PRKAR2B: variants seen among roughly 807,000 people sequenced by gnomAD.
The protein encoded by PRKAR2B is protein kinase cAMP-dependent type II regulatory subunit beta.
In PRKAR2B, 14 loss-of-function variants were observed where a neutral mutation model predicts 49.9. The ratio of observed to expected loss-of-function variants is 0.28; its 90% CI spans 0.19 to 0.44. The LOEUF (loss-of-function observed/expected upper bound fraction) is 0.44, where lower values mean the gene tolerates loss of function less well. PRKAR2B is among the 20% of genes least tolerant of loss of function. The pLI, the probability that PRKAR2B is intolerant of heterozygous loss-of-function variation, is 1.00. For synonymous variants in PRKAR2B, 196 were observed against 197.7 expected (o/e 0.99, Z 0.07); for missense variants, 393 against 537.9 (o/e 0.73, Z 2.67).
At chr7:107,085,360 GT>G (rs1794599033) in intron 2 of PRKAR2B, among the ~76,000 whole-genome samples, 1 of 152,096 alleles carries the variant, frequency 6.6e-6, no homozygotes, top group African/African-American at 2.4e-5. Context: ...ATGAGGTCAT[GT>G]TTCTCACTGT....
At chr7:107,093,709 T>A (rs1234040062) in intron 2 of PRKAR2B, among the ~76,000 whole-genome samples, 1 of 141,888 alleles carries the variant, frequency 7.0e-6, no homozygotes, top group Non-Finnish European at 1.5e-5. Flanking sequence ...TTGCACTCTG[T>A]GTCCAAGTGT....
chr7:107,105,038 A>G (rs1795047566), intron 2 of PRKAR2B, among the ~76,000 whole-genome samples: 1 of 152,134 alleles, frequency 6.6e-6, no homozygotes, highest in African/African-American at 2.4e-5. Context: ...TAGTACTTTA[A>G]AGTCTATACT....
intron 5 of PRKAR2B, among the ~76,000 whole-genome samples, chr7:107,143,913 A>T (rs1354798239): frequency 1.3e-5 from 2 of 152,186 alleles, no homozygotes; most frequent in East Asian, 1.9e-4. Flanking sequence ...TCTAAAATCT[A>T]TAACACTTCT....
At chr7:107,063,476 GACAGACAATAA>G (rs1562843664) in intron 1 of PRKAR2B, among the ~76,000 whole-genome samples, 1 of 152,164 alleles carries the variant, frequency 6.6e-6, no homozygotes, top group Non-Finnish European at 1.5e-5. Flanking sequence ...CGAAGGAGGA[GACAGACAATAA>G]ACATAAAACA....
chr7:107,050,333 C>CTTTTTTTTTTTT (rs57752789), intron 1 of PRKAR2B, among the ~76,000 whole-genome samples: 8 of 68,594 alleles, frequency 1.2e-4, no homozygotes, highest in African/African-American at 5.7e-4. Flanking sequence ...CAGTTACCAG[C>CTTTTTTTTTTTT]TTTTTTTTTT....
intron 2 of PRKAR2B, among the ~76,000 whole-genome samples, chr7:107,080,127 C>T (rs1020579040): frequency 6.6e-6 from 1 of 151,930 alleles, no homozygotes; most frequent in Non-Finnish European, 1.5e-5. Context: ...AGCCAGGTAC[C>T]AGTCAGGAAG....
chr7:107,102,173 C>CTCCAGCCTGGGTGCCACTGCAT (rs1794983052), intron 2 of PRKAR2B, among the ~76,000 whole-genome samples: 1 of 152,186 alleles, frequency 6.6e-6, no homozygotes, highest in African/African-American at 2.4e-5. Flanking sequence ...CACCACTGCA[C>CTCCAGCCTGGGTGCCACTGCAT]TCCAGCCTGG....
chr7:107,097,230 C>A (rs990344899), intron 2 of PRKAR2B, among the ~76,000 whole-genome samples: 5 of 152,078 alleles, frequency 3.3e-5, no homozygotes, highest in Admixed American at 6.5e-5. Flanking sequence ...ATAGTTAGCT[C>A]TTGTTGAATT....
chr7:107,084,846 C>G, intron 2 of PRKAR2B, among the ~76,000 whole-genome samples: 1 of 151,640 alleles, frequency 6.6e-6, no homozygotes. Flanking sequence ...AGGATGGTCT[C>G]GATCTCCTGA....
At chr7:107,065,816 TA>T (rs1306215757) in intron 1 of PRKAR2B, among the ~76,000 whole-genome samples, 1 of 152,220 alleles carries the variant, frequency 6.6e-6, no homozygotes, top group Non-Finnish European at 1.5e-5. Context: ...GGTGAGCAGA[TA>T]AGCAGTTCCT....
chr7:107,135,105 A>G (rs576561603), intron 4 of PRKAR2B, among the ~76,000 whole-genome samples: 32 of 152,264 alleles, frequency 2.1e-4, no homozygotes, highest in Non-Finnish European at 3.8e-4. Flanking sequence ...CAAAATATAT[A>G]AATAACACAA....
rs1190480321 is a variant in PRKAR2B, at chr7:107,045,138, C to T, written c.231C>T (p.Ala77=). 1.3e-6 allele frequency: 2 copies of T among 1,518,508 alleles called. No individual in the cohort carries two copies. The highest frequency in any genetic ancestry group is 2.4e-5 in the South Asian group (2 of 82,706). 94.1% of individuals were successfully genotyped at this position (1,518,508 alleles called of 1,614,324 possible). ...CCCCCAGCAAGGGGGTCAACTTCGC[C>T]GAGGAGCCCATGCAGTCCGACTCCG... ...GGTPSKGVNF[A]EEPMQSDSED... Residue 77 remains alanine (A), a synonymous_variant, in exon 1 of 11, where the codon GCC becomes GCT. Coordinates refer to ENST00000265717, the MANE Select transcript of PRKAR2B (RefSeq NM_002736.3).
At chr7:107,085,598 C>G (rs1007470887) in intron 2 of PRKAR2B, among the ~76,000 whole-genome samples, 2 of 152,084 alleles carry the variant, frequency 1.3e-5, no homozygotes, top group African/African-American at 4.8e-5. Context: ...ATAGCCATAC[C>G]TAATAGTTTG....
In PRKAR2B at chr7:107,140,963, G is replaced by A. The variant is rs1489428929; in HGVS notation, c.587+10G>A. 2 of 1,584,184 alleles carry A rather than the reference G, an allele frequency of 1.3e-6. No homozygotes were observed. The highest frequency in any genetic ancestry group is 1.3e-5 in the African/African-American group (1 of 74,216). The stretch of plus-strand genomic sequence containing the variant: ...TTTATGTAATTGATAGGTAAGTTTT[G>A]CCCAACCTTACTATTGAAATTGAAA... On this transcript the variant is annotated intron_variant, in intron 5 of 10. Coordinates refer to ENST00000265717, the MANE Select transcript of PRKAR2B (RefSeq NM_002736.3).
rs147260769 is a variant in PRKAR2B, at chr7:107,096,707, T to G, written c.344-25245T>G. Among the ~76,000 whole-genome samples, 547 of 151,964 alleles carry G rather than the reference T, an allele frequency of 3.6e-3. 3 individuals are homozygous for G. Among genetic ancestry groups the G allele is most frequent in the African/African-American group, 0.013 (520 of 41,514 alleles). On this transcript the variant is annotated intron_variant, in intron 2 of 10. Coordinates refer to ENST00000265717, the MANE Select transcript of PRKAR2B (RefSeq NM_002736.3). ...ATGTGTCCCAGAGATTCTGGTATGT[T>G]TCTTTGTTCTCATTGGTTTCAAAGA... is the stretch of plus-strand genomic sequence containing the variant.
chr7:107,153,466 T>C (rs2115672663), intron 8 of PRKAR2B, among the ~76,000 whole-genome samples: 2 of 152,350 alleles, frequency 1.3e-5, no homozygotes, highest in African/African-American at 2.4e-5. Flanking sequence ...CTAATGAAGG[T>C]GTATTAAACC....
At chr7:107,121,803 T>TG in intron 2 of PRKAR2B, 149 bp from the exon 3 acceptor site, 1 of 410,094 alleles carries the variant, frequency 2.4e-6, no homozygotes, top group Non-Finnish European at 4.3e-6. Context: ...AAACCAATTT[T>TG]GGGGGGTAGA....
chr7:107,070,251 C>T, intron 1 of PRKAR2B, 30 bp from the exon 2 acceptor site: 3 of 1,570,494 alleles, frequency 1.9e-6, no homozygotes, highest in Non-Finnish European at 2.6e-6. Context: ...GACTTTTAAT[C>T]TAATCATATT....
chr7:107,155,442 C>T (rs957197980), intron 8 of PRKAR2B, among the ~76,000 whole-genome samples: 1 of 152,098 alleles, frequency 6.6e-6, no homozygotes, highest in African/African-American at 2.4e-5. Flanking sequence ...TGAGGAATTG[C>T]TACACTGTCC....
Sources: allele counts gnomAD v4.1 joint callset (sites outside exome capture counted in the v4.1 genomes callset), GRCh38; gene constraint gnomAD v4.1.1; transcripts MANE v1.5; gene names NCBI Gene and HGNC (gene_info 2026-07-23, HGNC 2026-07-21).